EEIG2: variants seen among roughly 807,000 people sequenced by gnomAD.
The protein encoded by EEIG2 is EEIG family member 2, also known as family with sequence similarity 102 member B.
chr1:108,624,608 TC>T, the EEIG2 span: 3 of 1,581,746 alleles, frequency 1.9e-6, no homozygotes. Context: ...ACTTTGAGGC[TC>T]CCCCACAACT....
chr1:108,614,987 G>C, the EEIG2 span, among the ~76,000 whole-genome samples: 1 of 152,140 alleles, frequency 6.6e-6, no homozygotes, highest in Admixed American at 6.5e-5. Context: ...AGATGATGAG[G>C]AAATCAGTGC....
chr1:108,596,270 A>G, the EEIG2 span, among the ~76,000 whole-genome samples: 2 of 152,018 alleles, frequency 1.3e-5, no homozygotes, highest in African/African-American at 2.4e-5. Context: ...AATGTTTTTG[A>G]ATTTGTTTTT....
At chr1:108,574,895 T>TA in the EEIG2 span, among the ~76,000 whole-genome samples, 1 of 152,106 alleles carries the variant, frequency 6.6e-6, no homozygotes, top group African/African-American at 2.4e-5. Context: ...TAGACTCCAT[T>TA]AAAAAAAAGT....
chr1:108,605,148 T>A, the EEIG2 span, among the ~76,000 whole-genome samples: 3 of 152,200 alleles, frequency 2.0e-5, no homozygotes, highest in South Asian at 6.2e-4. Flanking sequence ...ATAGCAAATA[T>A]AGATAAATAT....
At chr1:108,616,562 C>T in the EEIG2 span, 1 of 606,498 alleles carries the variant, frequency 1.6e-6, no homozygotes, top group Non-Finnish European at 2.8e-6. Flanking sequence ...CCCTGGGAGA[C>T]TGACCTGACC....
At chr1:108,637,692 TTA>T in the EEIG2 span, 1 of 152,180 alleles carries the variant, frequency 6.6e-6, no homozygotes, top group Admixed American at 6.5e-5. Context: ...CTTTTTCTAA[TTA>T]TATCCTAGAG....
the EEIG2 span, among the ~76,000 whole-genome samples, chr1:108,578,084 G>A: frequency 8.4e-5 from 12 of 143,222 alleles, no homozygotes; most frequent in African/African-American, 3.2e-4. Flanking sequence ...GTTCACTCAT[G>A]ATTTGGCTCT....
chr1:108,612,861 A>G, the EEIG2 span, among the ~76,000 whole-genome samples: 1 of 152,230 alleles, frequency 6.6e-6, no homozygotes, highest in African/African-American at 2.4e-5. Flanking sequence ...ACCCCATTAG[A>G]TAGACCTTTT....
At chr1:108,616,266 C>T in the EEIG2 span, 2 of 733,520 alleles carry the variant, frequency 2.7e-6, no homozygotes, top group African/African-American at 1.8e-5. Context: ...TGGATATAAC[C>T]CAATTCAACA....
chr1:108,631,162 G>A, the EEIG2 span: 2 of 389,720 alleles, frequency 5.1e-6, no homozygotes, highest in Non-Finnish European at 1.0e-5. Flanking sequence ...ACTGTTTCTT[G>A]GGCCAATTTG....
At chr1:108,596,521 G>C in the EEIG2 span, among the ~76,000 whole-genome samples, 147,736 of 152,094 alleles carry the variant, frequency 0.97, 71,885 homozygotes, top group Non-Finnish European at 1. Flanking sequence ...TAAGACTGGC[G>C]TCCTGGACCA....
the EEIG2 span, among the ~76,000 whole-genome samples, chr1:108,621,960 C>T: frequency 1.3e-5 from 2 of 152,162 alleles, no homozygotes; most frequent in Non-Finnish European, 2.9e-5. Flanking sequence ...AATTCAAGAC[C>T]AGCCTGGCCA....
chr1:108,563,245 T>C, the EEIG2 span, among the ~76,000 whole-genome samples: 28 of 152,192 alleles, frequency 1.8e-4, no homozygotes, highest in Non-Finnish European at 2.8e-4. Flanking sequence ...CTAAATTCCA[T>C]CTGGAATTTT....
the EEIG2 span, among the ~76,000 whole-genome samples, chr1:108,609,417 G>A: frequency 6.6e-6 from 1 of 152,184 alleles, no homozygotes; most frequent in Non-Finnish European, 1.5e-5. Flanking sequence ...GAGGGGGTAA[G>A]GGGTGGAAGG....
chr1:108,624,450 C>A, the EEIG2 span, among the ~76,000 whole-genome samples: 17 of 128,876 alleles, frequency 1.3e-4, no homozygotes, highest in African/African-American at 4.5e-4. Context: ...AAAAAAAAAA[C>A]CCTTTTCTTT....
the EEIG2 span, chr1:108,636,848 T>C: frequency 6.6e-6 from 1 of 152,220 alleles, no homozygotes; most frequent in Non-Finnish European, 1.5e-5. Flanking sequence ...AAGAAAGTTT[T>C]TTATAGAGAT....
At chr1:108,617,164 G>A in the EEIG2 span, among the ~76,000 whole-genome samples, 2 of 152,284 alleles carry the variant, frequency 1.3e-5, no homozygotes, top group South Asian at 4.1e-4. Context: ...CGGGTGATAG[G>A]AGATGAGGTC....
At chr1:108,607,025 C>T in the EEIG2 span, among the ~76,000 whole-genome samples, 1 of 152,092 alleles carries the variant, frequency 6.6e-6, no homozygotes, top group Non-Finnish European at 1.5e-5. Context: ...GTTGCAATGC[C>T]AGGATGTTCT....
At chr1:108,616,151 A>G in the EEIG2 span, among the ~76,000 whole-genome samples, 1 of 144,512 alleles carries the variant, frequency 6.9e-6, no homozygotes, top group East Asian at 2.0e-4. Flanking sequence ...TTTAATAGAG[A>G]CAGGGTCTTG....
Sources: gnomAD v4.1 joint callset for allele counts (sites outside exome capture counted in the v4.1 genomes callset) on GRCh38, gnomAD v4.1.1 for gene constraint, MANE v1.5 for transcripts, NCBI Gene and HGNC (gene_info 2026-07-23, HGNC 2026-07-21) for gene names.